Variants in NPR3 observed in about 807,000 individuals in gnomAD.
The protein encoded by NPR3 is natriuretic peptide receptor 3.
In NPR3, 34 loss-of-function variants were observed where a neutral mutation model predicts 54.5. That is an observed-to-expected ratio of 0.62 (90% CI 0.47 to 0.83). The LOEUF (loss-of-function observed/expected upper bound fraction) is 0.83. Among genes scored for constraint, NPR3 ranks in the 40% least tolerant of loss-of-function variants. The probability of loss-of-function intolerance (pLI) is 0.00; values close to 1 mark genes in which losing one functional copy is unlikely to be tolerated. For synonymous variants in NPR3, 289 were observed against 297.1 expected (o/e 0.97, Z 0.28); for missense variants, 674 against 720.8 (o/e 0.94, Z 0.74).
chr5:32,714,971 G>T (rs986915305), intron 1 of NPR3, among the ~76,000 whole-genome samples: 2 of 152,150 alleles, frequency 1.3e-5, no homozygotes, highest in Non-Finnish European at 1.5e-5. Flanking sequence ...AAACTGTGAG[G>T]GTTACAGAAG....
intron 2 of NPR3, among the ~76,000 whole-genome samples, chr5:32,728,836 T>G (rs754209039): frequency 1.0e-3 from 57 of 56,310 alleles, no homozygotes; most frequent in Non-Finnish European, 1.5e-3. Context: ...TGTGTGTGTG[T>G]GTATATATAT....
intron 2 of NPR3, among the ~76,000 whole-genome samples, chr5:32,725,044 C>G (rs923484327): frequency 6.6e-6 from 1 of 152,126 alleles, no homozygotes; most frequent in Non-Finnish European, 1.5e-5. Flanking sequence ...ACACTGCATG[C>G]TCTCACTTAC....
At chr5:32,761,925 A>C (rs928144379) in intron 3 of NPR3, among the ~76,000 whole-genome samples, 1 of 152,022 alleles carries the variant, frequency 6.6e-6, no homozygotes, top group African/African-American at 2.4e-5. Context: ...TATTTCTCCT[A>C]ATGCTATCCT....
At chr5:32,757,676 G>A (rs1740920303) in intron 3 of NPR3, among the ~76,000 whole-genome samples, 1 of 152,182 alleles carries the variant, frequency 6.6e-6, no homozygotes, top group Non-Finnish European at 1.5e-5. Context: ...CCTGTCTTGT[G>A]CTAGTTTTGA....
In NPR3 at chr5:32,724,739, A is replaced by G. The variant is rs1394811270; in HGVS notation, c.811A>G (p.Met271Val). 2 of 1,613,946 alleles carry G rather than the reference A, an allele frequency of 1.2e-6. No homozygotes were observed. Reference protein sequence around the residue: ...CASSDTIRSIMLVAHRHGMTS... With the variant: ...CASSDTIRSIVLVAHRHGMTS... The stretch of plus-strand genomic sequence containing the variant: ...GAGCAGTGACACCATCCGGAGCATC[A>G]TGCTGGTGGCGCACAGGCATGGCAT... The change falls in exon 2 of 8, where the codon ATG becomes GTG. Residue 271 changes from methionine to valine, a missense_variant. Met to Val is a conservative substitution (Grantham distance 21, BLOSUM62 1). Coordinates refer to ENST00000265074, the MANE Select transcript of NPR3 (RefSeq NM_001204375.2).
chr5:32,769,314 G>A (rs1017536285), intron 3 of NPR3, among the ~76,000 whole-genome samples: 5 of 152,052 alleles, frequency 3.3e-5, no homozygotes, highest in East Asian at 1.9e-4. Context: ...TTTAACCCTC[G>A]TGCTATGCAC....
intron 1 of NPR3, among the ~76,000 whole-genome samples, chr5:32,721,778 A>C (rs1348588992): frequency 6.6e-6 from 1 of 152,242 alleles, no homozygotes; most frequent in Non-Finnish European, 1.5e-5. Flanking sequence ...CAGACTGCAT[A>C]ATTTGTAAAG....
chr5:32,754,363 T>G (rs1022673631), intron 3 of NPR3, among the ~76,000 whole-genome samples: 4 of 152,164 alleles, frequency 2.6e-5, no homozygotes, highest in African/African-American at 9.7e-5. Context: ...TTTTTCTTTT[T>G]TTAAGCTCAA....
chr5:32,744,442 C>T (rs958658492), intron 3 of NPR3, among the ~76,000 whole-genome samples: 2 of 152,060 alleles, frequency 1.3e-5, no homozygotes, highest in African/African-American at 4.8e-5. Flanking sequence ...AGTTTACTGG[C>T]TATTAAATGG....
At chr5:32,718,327 T>C (rs1738664519) in intron 1 of NPR3, among the ~76,000 whole-genome samples, 1 of 152,234 alleles carries the variant, frequency 6.6e-6, no homozygotes, top group East Asian at 1.9e-4. Flanking sequence ...ATGCCAGCTC[T>C]TTTTTGGTTC....
rs998734998 is a variant in NPR3 at position 32,789,956 on chromosome 5, T to G, written c.*3611T>G. On this transcript the variant is annotated 3_prime_UTR_variant, in exon 8 of 8. Transcript: ENST00000265074. ...TTTCTTGGGACACAAAGCACTCAGA[T>G]CCTGAGTGGATGCAGACATGAGAGT... 11 of 337,322 alleles carry G rather than the reference T, an allele frequency of 3.3e-5. No homozygotes were observed. The highest frequency in any genetic ancestry group is 2.8e-4 in the South Asian group (10 of 35,624). 20.9% of individuals were successfully genotyped at this position (337,322 alleles called of 1,614,324 possible).
At chr5:32,694,325 A>G (rs1740472161) in intron 1 of NPR3, among the ~76,000 whole-genome samples, 2 of 152,262 alleles carry the variant, frequency 1.3e-5, no homozygotes, top group Admixed American at 1.3e-4. Flanking sequence ...AACAAATTAC[A>G]ACATAACAAT....
upstream of NPR3, chr5:32,710,350 C>A (rs149606045): frequency 1.5e-4 from 25 of 172,118 alleles, no homozygotes; most frequent in Non-Finnish European, 2.7e-4. Context: ...CTACCGGGAA[C>A]GTTTTGGGAA....
At position 32,782,397 on chromosome 5, in the gene NPR3, G is replaced by A. The variant is rs146483922; in HGVS notation, c.1291-496G>A. Among the ~76,000 whole-genome samples, 758 of 152,278 alleles carry A rather than the reference G, an allele frequency of 5.0e-3. 4 individuals are homozygous for A. Among genetic ancestry groups the A allele is most frequent in the Non-Finnish European group, 9.0e-3 (613 of 68,026 alleles). Reference sequence around the variant, plus strand: ...ACTTGGGCCTTACAATTGGCTGACGGGGTGGGCTGCTCTGGGACAGATGGG... The same window carrying A: ...ACTTGGGCCTTACAATTGGCTGACGAGGTGGGCTGCTCTGGGACAGATGGG... On this transcript the variant is annotated intron_variant, in intron 5 of 7. Coordinates refer to ENST00000265074, the MANE Select transcript of NPR3 (RefSeq NM_001204375.2).
chr5:32,741,234 A>G (rs1016720165), intron 3 of NPR3, among the ~76,000 whole-genome samples: 10 of 152,048 alleles, frequency 6.6e-5, no homozygotes, highest in African/African-American at 2.4e-4. Flanking sequence ...CTTGGGCAAC[A>G]TGGTAAAACC....
intron 1 of NPR3, among the ~76,000 whole-genome samples, chr5:32,712,906 G>C (rs1269316879): frequency 6.6e-6 from 1 of 152,126 alleles, no homozygotes; most frequent in Non-Finnish European, 1.5e-5. Flanking sequence ...CTCCATCCAG[G>C]GTCTGAAGCA....
chr5:32,749,427 G>T (rs1740463932), intron 3 of NPR3, among the ~76,000 whole-genome samples: 1 of 151,766 alleles, frequency 6.6e-6, no homozygotes, highest in African/African-American at 2.4e-5. Flanking sequence ...CTAAACTTTT[G>T]GTAATCCTTA....
chr5:32,711,714 A>AGGGT lies in NPR3; in HGVS notation c.-55_-52dup. ...AGAGAAGAGTGGGGAGGAAAGAGGA[A>AGGGT]GGGTGGGTGGGGGGCAGAGGGCGAG... is the stretch of plus-strand genomic sequence containing the variant. On this transcript the variant is annotated 5_prime_UTR_variant, in exon 1 of 8. Transcript: ENST00000265074. The AGGGT allele has an allele frequency of 5.5e-6, 7 of 1,267,172 alleles. No homozygotes were observed. Among genetic ancestry groups the AGGGT allele is most frequent in the Non-Finnish European group, 7.2e-6 (7 of 970,002 alleles). 78.5% of individuals were successfully genotyped at this position (1,267,172 alleles called of 1,614,324 possible).
intron 1 of NPR3, among the ~76,000 whole-genome samples, chr5:32,694,049 G>C (rs1210343529): frequency 6.6e-6 from 1 of 152,158 alleles, no homozygotes; most frequent in Non-Finnish European, 1.5e-5. Context: ...TCTCCAGCTG[G>C]AGGCAGCCTG....
Sources: gnomAD v4.1 joint callset for allele counts (sites outside exome capture counted in the v4.1 genomes callset) on GRCh38, gnomAD v4.1.1 for gene constraint, MANE v1.5 for transcripts, NCBI Gene and HGNC (gene_info 2026-07-23, HGNC 2026-07-21) for gene names.